Variants in PROM1 observed in about 807,000 individuals in gnomAD.
PROM1 encodes prominin 1.
A neutral mutation model predicts 116.9 loss-of-function variants in PROM1; 105 were observed. That is an observed-to-expected ratio of 0.90 (90% CI 0.77 to 1.06). The LOEUF (loss-of-function observed/expected upper bound fraction) is 1.06. Ranked by LOEUF, PROM1 falls within the 50% of genes least tolerant of loss-of-function variation. The pLI is 0.00. For synonymous variants in PROM1, 393 were observed against 387.0 expected, an observed-to-expected ratio of 1.02 and a Z score of -0.18; for missense variants, 1,122 against 1,045.2, an observed-to-expected ratio of 1.07 and a Z score of -1.01.
At chr4:16,073,204 A>G (rs1041922343) in intron 2 of PROM1, among the ~76,000 whole-genome samples, 1 of 152,242 alleles carries the variant, frequency 6.6e-6, no homozygotes, top group Non-Finnish European at 1.5e-5. Flanking sequence ...ATGAAAGGAT[A>G]TATCTATGGG....
At position 16,000,593 on chromosome 4, in the gene PROM1, CAA is replaced by C; in HGVS notation, c.1479_1480del (p.Phe493LeufsTer24). On this transcript the variant is annotated frameshift_variant, in exon 14 of 28. Transcript: ENST00000447510. LOFTEE classifies it high-confidence loss of function. ...AACCACAATGATCATCAATATCCAGCAAAAGAGGAAACTTAATCCAACTCCAC... is the reference window on the plus strand; with the variant it reads ...AACCACAATGATCATCAATATCCAGCAAGAGGAAACTTAATCCAACTCCAC... 1 of 1,570,862 alleles carries C rather than the reference CAA, an allele frequency of 6.4e-7. No homozygotes were observed. Among genetic ancestry groups the C allele is most frequent in the Non-Finnish European group, 8.7e-7 (1 of 1,150,972 alleles).
intron 24 of PROM1, 164 bp downstream of exon 24, chr4:15,980,258 C>T (rs1403296401): frequency 8.3e-6 from 5 of 601,562 alleles, no homozygotes; most frequent in Non-Finnish European, 1.1e-5. Context: ...AAAATCAGTA[C>T]CAAGAAAAAA....
At chr4:15,994,298 T>C (rs545589620) in intron 15 of PROM1, among the ~76,000 whole-genome samples, 25 of 152,364 alleles carry the variant, frequency 1.6e-4, no homozygotes, top group Admixed American at 1.6e-3. Context: ...TGCAATAGGA[T>C]TGATGAATAT....
intron 2 of PROM1, among the ~76,000 whole-genome samples, chr4:16,045,319 ATTC>A (rs991453994): frequency 2.0e-5 from 3 of 152,140 alleles, no homozygotes; most frequent in Non-Finnish European, 4.4e-5. Context: ...TGCCCTCTTT[ATTC>A]TTCTCTCAGC....
chr4:16,081,823 A>AAAATCAGAAGGAAGTTTAG (rs1457600961), intron 1 of PROM1, among the ~76,000 whole-genome samples: 1 of 152,218 alleles, frequency 6.6e-6, no homozygotes, highest in Admixed American at 6.5e-5. Context: ...GTCTCGTATA[A>AAAATCAGAAGGAAGTTTAG]AAATCAGAAG....
chr4:16,076,953 A>G (rs897551577), intron 1 of PROM1, among the ~76,000 whole-genome samples: 1 of 152,128 alleles, frequency 6.6e-6, no homozygotes, highest in East Asian at 1.9e-4. Flanking sequence ...AACATTGCGG[A>G]AGGCCGGAAG....
In PROM1 at chr4:15,987,687, A is replaced by G; in HGVS notation, c.2106T>C (p.Leu702=). The change falls in exon 20 of 28, where the codon CTT becomes CTC. Residue 702 remains leucine (L), a synonymous_variant. Coordinates refer to ENST00000447510, the MANE Select transcript of PROM1 (RefSeq NM_006017.3). ...CCAACAATCCATTCCCTGTGCGTTG[A>G]AGTATCTTGACGCTTTGGTATAGAG... The part of the protein sequence containing the change: ...LSTLYQSVKI[L]QRTGNGLLER... 1 of 1,611,874 alleles carries G rather than the reference A, an allele frequency of 6.2e-7. No individual in the cohort carries two copies. Among genetic ancestry groups the G allele is most frequent in the Non-Finnish European group, 8.5e-7 (1 of 1,179,306 alleles).
At chr4:16,071,440 C>A (rs1020921657) in intron 2 of PROM1, among the ~76,000 whole-genome samples, 1 of 152,200 alleles carries the variant, frequency 6.6e-6, no homozygotes, top group South Asian at 2.1e-4. Context: ...TCCTGAATAT[C>A]TGTGTCCCCT....
chr4:16,001,688 G>A (rs1204490781), intron 13 of PROM1, among the ~76,000 whole-genome samples: 1 of 152,208 alleles, frequency 6.6e-6, no homozygotes, highest in Admixed American at 6.5e-5. Context: ...GTGCAGTCAT[G>A]GGGGAGGAAA....
At chr4:16,029,136 G>A (rs940589783) in intron 5 of PROM1, among the ~76,000 whole-genome samples, 5 of 152,190 alleles carry the variant, frequency 3.3e-5, no homozygotes, top group Non-Finnish European at 7.3e-5. Flanking sequence ...TTCACATGAA[G>A]AAAGTTTCAT....
rs549830431 is a variant in PROM1 at position 15,983,196 on chromosome 4, T to C, written c.2373+1067A>G. ...GAGGAAAACGGAGCTCAGCCTAGTTTTGGGGATCAGAAAAGGCTTCCTGGA... is the reference window on the plus strand; with the variant it reads ...GAGGAAAACGGAGCTCAGCCTAGTTCTGGGGATCAGAAAAGGCTTCCTGGA... On this transcript the variant is annotated intron_variant, in intron 23 of 27. Coordinates refer to ENST00000447510, the MANE Select transcript of PROM1 (RefSeq NM_006017.3). Among the ~76,000 whole-genome samples the C allele has an allele frequency of 1.7e-4, 26 of 152,272 alleles. No individual in the cohort carries two copies. In the South Asian group the frequency reaches 2.9e-3, roughly 17 times the overall value.
Position 15,992,181 on chromosome 4 carries a change from A to G in PROM1, c.1911+67T>C, listed in dbSNP as rs1721226509. ...TCATCTTAATAAAAAATCAAAAGCA[A>G]AACAGAAATACACATCTGACACTTT... On this transcript the variant is annotated intron_variant, in intron 17 of 27. Coordinates refer to ENST00000447510, the MANE Select transcript of PROM1 (RefSeq NM_006017.3). 5.7e-6 allele frequency: 9 copies of G among 1,579,670 alleles called. No individual in the cohort carries two copies. In the South Asian group the frequency reaches 9.4e-5, roughly 16 times the overall value.
chr4:16,016,190 T>C lies in PROM1; in HGVS notation c.1053A>G (p.Thr351=), dbSNP rs371393913. 1 of 1,555,250 alleles carries C rather than the reference T, an allele frequency of 6.4e-7. No homozygotes were observed. Residue 351 remains threonine (T), a synonymous_variant, in exon 10 of 28, where the codon ACA becomes ACG. Coordinates refer to ENST00000447510, the MANE Select transcript of PROM1 (RefSeq NM_006017.3). ...CCTGTTGGACCAGGCCATCCAAATCTGTCCTAAGAACGTTATTAACGTTGT... is the reference window on the plus strand; with the variant it reads ...CCTGTTGGACCAGGCCATCCAAATCCGTCCTAAGAACGTTATTAACGTTGT... ...ELDNVNNVLR[T]DLDGLVQQGY...
intron 2 of PROM1, among the ~76,000 whole-genome samples, chr4:16,039,607 G>A (rs781633452): frequency 2.6e-5 from 4 of 151,742 alleles, no homozygotes; most frequent in Non-Finnish European, 4.4e-5. Context: ...GCGTGGTGGC[G>A]CATGCCTGTA....
chr4:16,051,702 G>T (rs745580570), intron 2 of PROM1, among the ~76,000 whole-genome samples: 1 of 152,170 alleles, frequency 6.6e-6, no homozygotes, highest in Non-Finnish European at 1.5e-5. Context: ...CTGGTCAGGT[G>T]GTCAAGACCC....
chr4:16,001,225 A>G (rs1403986354), intron 13 of PROM1, among the ~76,000 whole-genome samples: 6 of 152,174 alleles, frequency 3.9e-5, no homozygotes, highest in Non-Finnish European at 7.3e-5. Context: ...CACGAGAGGT[A>G]GAGGCAAGGA....
chr4:16,041,916 C>T (rs1362131645), intron 2 of PROM1, among the ~76,000 whole-genome samples: 1 of 151,862 alleles, frequency 6.6e-6, no homozygotes, highest in Non-Finnish European at 1.5e-5. Flanking sequence ...TTATCCTCCC[C>T]TCTCCCCTCA....
At chr4:16,036,262 C>G (rs557068051) in intron 3 of PROM1, among the ~76,000 whole-genome samples, 2 of 152,130 alleles carry the variant, frequency 1.3e-5, no homozygotes, top group Non-Finnish European at 2.9e-5. Context: ...AATGTCCTTT[C>G]GTGGCAAAAT....
Position 16,013,454 on chromosome 4 carries a change from T to A in PROM1, c.1078-116A>T, listed in dbSNP as rs1000761299. The A allele has an allele frequency of 4.3e-6, 3 of 698,974 alleles. No homozygotes were observed. The South Asian group carries it at 5.2e-5, about 12-fold the overall frequency. The allele number at this position is 698,974 out of a possible 1,614,324, so 43.3% of individuals were successfully genotyped here. A position where few individuals can be genotyped will look rare whatever the true frequency, so the allele number is the denominator to read the frequency against. ...AGGCAAAATAAAAATATAACATTCA[T>A]CTTAAGGGTGAAATGATCATTATAT... On this transcript the variant is annotated intron_variant, in intron 10 of 27. Transcript: ENST00000447510.
Sources: gnomAD v4.1 joint callset for allele counts (sites outside exome capture counted in the v4.1 genomes callset) on GRCh38, gnomAD v4.1.1 for gene constraint, MANE v1.5 for transcripts, NCBI Gene and HGNC (gene_info 2026-07-23, HGNC 2026-07-21) for gene names.